Variants in TCF7L2 observed in about 807,000 individuals in gnomAD.
TCF7L2 encodes the protein transcription factor 7-like 2.
TCF7L2 carries 23 observed loss-of-function variants against 77.9 expected under a neutral mutation model. That is an observed-to-expected ratio of 0.30 (90% CI 0.21 to 0.42). The LOEUF is 0.42. TCF7L2 is among the 10% of genes least tolerant of loss of function. The pLI is 1.00. For missense variants in TCF7L2, 654 were observed against 793.1 expected (o/e 0.82, Z 2.11); for synonymous variants, 413 against 340.2 (o/e 1.21, Z -2.36).
chr10:112,952,377 GGGC>G (rs2031965404), intron 3 of TCF7L2, among the ~76,000 whole-genome samples: 1 of 152,096 alleles, frequency 6.6e-6, no homozygotes, highest in Non-Finnish European at 1.5e-5. Flanking sequence ...CGAGCGCCCT[GGGC>G]GCCGTGGCGG....
chr10:113,013,818 G>A (rs2046864999), intron 4 of TCF7L2, among the ~76,000 whole-genome samples: 1 of 152,142 alleles, frequency 6.6e-6, no homozygotes, highest in Admixed American at 6.5e-5. Flanking sequence ...GACATGTATT[G>A]AGATGATATT....
chr10:113,126,933 C>T (rs1564930273), intron 5 of TCF7L2: 2 of 984,816 alleles, frequency 2.0e-6, no homozygotes, highest in East Asian at 1.1e-4. Context: ...GTGGCCGGCC[C>T]GCTGCATCCC....
rs2137658687 is a variant in TCF7L2 at position 113,165,981 on chromosome 10, T to A, written c.*9T>A. 1 of 1,492,132 alleles carries A rather than the reference T, an allele frequency of 6.7e-7. No homozygotes were observed. Among genetic ancestry groups the A allele is most frequent in the Non-Finnish European group, 8.9e-7 (1 of 1,119,262 alleles). The allele number at this position is 1,492,132 out of a possible 1,614,324, so 92.4% of individuals were successfully genotyped here. A position where few individuals can be genotyped will look rare whatever the true frequency, so the allele number is the denominator to read the frequency against. On this transcript the variant is annotated 3_prime_UTR_variant, in exon 14 of 14. Coordinates refer to ENST00000627217, the MANE Select transcript of TCF7L2 (RefSeq NM_001146274.2). ...CCAAGTCTTTAGAATAGCTTTAGCG[T>A]CGTGAACCCCGCTGCTTTGTTTATG...
At chr10:113,016,635 C>G (rs2047379903) in intron 4 of TCF7L2, among the ~76,000 whole-genome samples, 1 of 152,186 alleles carries the variant, frequency 6.6e-6, no homozygotes, top group East Asian at 1.9e-4. Flanking sequence ...TCCTTCATCC[C>G]AGCTGACTTC....
chr10:113,089,247 T>C, intron 5 of TCF7L2: 1 of 891,494 alleles, frequency 1.1e-6, no homozygotes, highest in African/African-American at 1.7e-5. Flanking sequence ...AGGAGAGTTC[T>C]GATTTGTGCT....
At chr10:112,971,142 AACAG>A (rs1484653053) in intron 4 of TCF7L2, among the ~76,000 whole-genome samples, 6 of 152,212 alleles carry the variant, frequency 3.9e-5, no homozygotes, top group African/African-American at 7.2e-5. Flanking sequence ...CAGTGAGCAA[AACAG>A]ACAAAAATCC....
intron 7 of TCF7L2, 42 bp from the exon 8 acceptor site, chr10:113,145,969 A>ACC: frequency 3.7e-6 from 2 of 535,454 alleles, no homozygotes; most frequent in South Asian, 4.5e-5. Context: ...CCCCACCCCC[A>ACC]CCCTTGTTTC....
At chr10:113,028,454 T>C (rs1269378478) in intron 4 of TCF7L2, among the ~76,000 whole-genome samples, 3 of 152,066 alleles carry the variant, frequency 2.0e-5, no homozygotes, top group African/African-American at 4.8e-5. Flanking sequence ...ACGAAGCATC[T>C]CCACATGTTT....
intron 5 of TCF7L2, among the ~76,000 whole-genome samples, chr10:113,071,298 C>G (rs2057976812): frequency 6.6e-6 from 1 of 152,142 alleles, no homozygotes. Context: ...TGGAGTGCTT[C>G]CTCCTTTTTA....
rs750006902 is a variant in TCF7L2, at chr10:113,165,492, G to A, written c.1392-63G>A. On this transcript the variant is annotated intron_variant, in intron 13 of 13. Transcript: ENST00000627217. ...GACCTCAGCTTGGGTGTGAGCATTAGGTAACTCTCTCCCTTGGCATCTGTG... is the reference window on the plus strand; with the variant it reads ...GACCTCAGCTTGGGTGTGAGCATTAAGTAACTCTCTCCCTTGGCATCTGTG... 171 of 1,563,662 alleles carry A rather than the reference G, an allele frequency of 1.1e-4. 1 individual carries two copies. The highest frequency in any genetic ancestry group is 1.3e-4 in the Non-Finnish European group (154 of 1,142,608).
chr10:113,084,791 G>A (rs1343425768), intron 5 of TCF7L2, among the ~76,000 whole-genome samples: 7 of 151,870 alleles, frequency 4.6e-5, no homozygotes, highest in Non-Finnish European at 7.4e-5. Flanking sequence ...CCAGCTACTC[G>A]GGAGGCTGTC....
At position 113,146,072 on chromosome 10, in the gene TCF7L2, C is replaced by T. The variant is rs1372732595; in HGVS notation, c.850C>T (p.Leu284=). The change falls in exon 8 of 14, where the codon CTG becomes TTG. Residue 284 remains leucine, a synonymous_variant. Coordinates refer to ENST00000627217, the MANE Select transcript of TCF7L2 (RefSeq NM_001146274.2). ...ATTCAGACACCCCTACCCCACAGCT[C>T]TGACCGTCAATGCTTCCATGTCCAG... 6.2e-7 allele frequency: 1 copy of T among 1,613,330 alleles called. No homozygotes were observed.
intron 4 of TCF7L2, among the ~76,000 whole-genome samples, chr10:113,024,765 G>A (rs1179698490): frequency 6.6e-6 from 1 of 151,452 alleles, no homozygotes; most frequent in Non-Finnish European, 1.5e-5. Flanking sequence ...GATTACAGGG[G>A]CTTCCCACCA....
chr10:113,138,569 C>T (rs971740905), intron 5 of TCF7L2, among the ~76,000 whole-genome samples: 6 of 152,068 alleles, frequency 3.9e-5, no homozygotes, highest in Non-Finnish European at 7.4e-5. Context: ...TTACTGTAGA[C>T]AGATCATGTC....
intron 5 of TCF7L2, among the ~76,000 whole-genome samples, chr10:113,107,770 A>AAAAAAAAC (rs1354409152): frequency 2.0e-5 from 3 of 151,102 alleles, no homozygotes; most frequent in Admixed American, 1.3e-4. Flanking sequence ...AAAAAAAAAA[A>AAAAAAAAC]AAAAAACAAC....
chr10:113,163,366 A>C (rs1489453743), intron 13 of TCF7L2, among the ~76,000 whole-genome samples: 1 of 152,132 alleles, frequency 6.6e-6, no homozygotes, highest in Non-Finnish European at 1.5e-5. Context: ...CTCTGCCCTA[A>C]TATAGCATGG....
At chr10:112,980,578 C>G (rs184509201) in intron 4 of TCF7L2, among the ~76,000 whole-genome samples, 2,095 of 152,132 alleles carry the variant, frequency 0.014, 24 homozygotes, top group Admixed American at 0.022. Flanking sequence ...TTCCCTCCTC[C>G]TGGTCTTAAG....
intron 4 of TCF7L2, among the ~76,000 whole-genome samples, chr10:113,030,720 G>C (rs2050067339): frequency 6.6e-6 from 1 of 152,200 alleles, no homozygotes. Flanking sequence ...TGAAGACTCT[G>C]AGAGACATGG....
At chr10:113,109,692 G>T (rs535075717) in intron 5 of TCF7L2, among the ~76,000 whole-genome samples, 5 of 152,300 alleles carry the variant, frequency 3.3e-5, no homozygotes, top group East Asian at 1.9e-4. Context: ...TGCTGGCTGG[G>T]TGTGGGATTT....
Sources: allele counts gnomAD v4.1 joint callset (sites outside exome capture counted in the v4.1 genomes callset), GRCh38; gene constraint gnomAD v4.1.1; transcripts MANE v1.5; gene names NCBI Gene and HGNC (gene_info 2026-07-23, HGNC 2026-07-21).